Variants in SLC12A2 observed in about 807,000 individuals in gnomAD.
SLC12A2 encodes the protein solute carrier family 12 member 2.
Under a neutral mutation model 136.3 loss-of-function variants are expected in SLC12A2, and 67 were observed. The observed-to-expected ratio is 0.49, with a 90% CI of 0.40 to 0.60. The LOEUF is 0.60. SLC12A2 is among the 20% of genes least tolerant of loss of function. The pLI is 0.00. For synonymous variants in SLC12A2, 619 were observed against 562.9 expected, an observed-to-expected ratio of 1.10 and a Z score of -1.41; for missense variants, 1,322 against 1,534.7, an observed-to-expected ratio of 0.86 and a Z score of 2.32.
intron 10 of SLC12A2, among the ~76,000 whole-genome samples, chr5:128,146,946 A>G (rs1041699813): frequency 7.3e-5 from 11 of 151,706 alleles, no homozygotes; most frequent in Non-Finnish European, 1.5e-4. Flanking sequence ...CAATACAATG[A>G]TGATGAAGTC....
chr5:128,125,879 A>G (rs536067242), intron 4 of SLC12A2, among the ~76,000 whole-genome samples: 2 of 152,102 alleles, frequency 1.3e-5, no homozygotes, highest in Non-Finnish European at 2.9e-5. Flanking sequence ...TCTTGCCCCC[A>G]TCCTTGTACA....
At chr5:128,124,656 A>C (rs1761715214) in intron 4 of SLC12A2, among the ~76,000 whole-genome samples, 1 of 152,184 alleles carries the variant, frequency 6.6e-6, no homozygotes, top group Admixed American at 6.5e-5. Context: ...CACCAGCCTG[A>C]GTTCTCTAAA....
intron 5 of SLC12A2, among the ~76,000 whole-genome samples, chr5:128,132,219 A>C (rs971441432): frequency 3.9e-5 from 6 of 152,154 alleles, no homozygotes; most frequent in African/African-American, 1.4e-4. Flanking sequence ...TTGAGGAATC[A>C]CAAATGGAAA....
At chr5:128,139,208 G>A (rs762394942) in intron 9 of SLC12A2, among the ~76,000 whole-genome samples, 35 of 151,554 alleles carry the variant, frequency 2.3e-4, no homozygotes, top group Non-Finnish European at 4.9e-4. Context: ...TGAAAACAAT[G>A]TATGTGTAGA....
intron 19 of SLC12A2, among the ~76,000 whole-genome samples, chr5:128,173,281 C>A (rs1260688275): frequency 6.6e-6 from 1 of 152,134 alleles, no homozygotes; most frequent in Non-Finnish European, 1.5e-5. Flanking sequence ...TGGCAAAATA[C>A]TATTTCAATT....
intron 10 of SLC12A2, among the ~76,000 whole-genome samples, chr5:128,145,856 T>G (rs1762515078): frequency 6.6e-6 from 1 of 152,012 alleles, no homozygotes; most frequent in Non-Finnish European, 1.5e-5. Context: ...TGGTCTCAGT[T>G]GACATGTTCT....
At chr5:128,114,139 T>G in intron 2 of SLC12A2, 73 bp from the exon 3 acceptor site, 1 of 1,046,246 alleles carries the variant, frequency 9.6e-7, no homozygotes, top group South Asian at 1.4e-5. Flanking sequence ...CTACTTTGAC[T>G]GGTTTAATGC....
At chr5:128,169,753 A>G (rs534557227) in intron 18 of SLC12A2, 1 of 152,202 alleles carries the variant, frequency 6.6e-6, no homozygotes, top group Middle Eastern at 3.4e-3. Flanking sequence ...TAATTATCCT[A>G]AAAAATAGAA....
intron 1 of SLC12A2, among the ~76,000 whole-genome samples, chr5:128,088,064 T>G (rs531820440): frequency 2.8e-4 from 42 of 148,384 alleles, no homozygotes; most frequent in African/African-American, 9.8e-4. Flanking sequence ...TATGTAAATA[T>G]ATATATTTAC....
chr5:128,087,753 A>G (rs1407292868), intron 1 of SLC12A2, among the ~76,000 whole-genome samples: 1 of 152,184 alleles, frequency 6.6e-6, no homozygotes. Context: ...AAAGAGACTC[A>G]AGTGATTACT....
intron 14 of SLC12A2, among the ~76,000 whole-genome samples, chr5:128,151,650 C>T (rs1177884929): frequency 1.3e-5 from 2 of 151,054 alleles, no homozygotes; most frequent in East Asian, 3.9e-4. Flanking sequence ...TTAAATTGAT[C>T]CTATTTGTAG....
chr5:128,156,913 T>G (rs900861334), intron 15 of SLC12A2, among the ~76,000 whole-genome samples: 2 of 152,112 alleles, frequency 1.3e-5, no homozygotes, highest in African/African-American at 2.4e-5. Context: ...TGGGCCACAT[T>G]TAGCTCCTAG....
chr5:128,175,838 A>G (rs879784150), intron 20 of SLC12A2, among the ~76,000 whole-genome samples: 2 of 152,010 alleles, frequency 1.3e-5, no homozygotes, highest in Non-Finnish European at 2.9e-5. Context: ...CAAATGCAGC[A>G]TATCCGTAGT....
intron 1 of SLC12A2, among the ~76,000 whole-genome samples, chr5:128,100,955 G>A (rs1373511998): frequency 2.6e-5 from 4 of 152,174 alleles, no homozygotes; most frequent in Non-Finnish European, 5.9e-5. Context: ...GGGCTAGGTA[G>A]AGGACTGAAT....
At chr5:128,152,933 A>G in intron 15 of SLC12A2, 128 bp downstream of exon 15, 1 of 606,206 alleles carries the variant, frequency 1.6e-6, no homozygotes, top group East Asian at 2.8e-5. Flanking sequence ...TTATTCAAGA[A>G]CAAAATTGTA....
rs77780667 is a variant in SLC12A2 at position 128,121,112 on chromosome 5, C to T, written c.1048+6431C>T. Reference sequence around the variant, plus strand: ...TAATTAATTTTAACTTTGGCTTTAACAGTACATTTTAGAGATTAAACAGAT... The same window carrying T: ...TAATTAATTTTAACTTTGGCTTTAATAGTACATTTTAGAGATTAAACAGAT... On this transcript the variant is annotated intron_variant, in intron 4 of 26. Coordinates refer to ENST00000262461, the MANE Select transcript of SLC12A2 (RefSeq NM_001046.3). Among the ~76,000 whole-genome samples, 523 of 152,150 alleles carry T rather than the reference C, an allele frequency of 3.4e-3. 1 individual carries two copies. Among genetic ancestry groups the T allele is most frequent in the Middle Eastern group, 3.4e-3 (1 of 294 alleles).
chr5:128,158,093 C>A lies in SLC12A2; in HGVS notation c.2404C>A (p.Pro802Thr). The change falls in exon 16 of 27, where the codon CCA becomes ACA. Residue 802 changes from proline (P) to threonine (T), a missense_variant. Around this residue, in one of 8 missense-constraint regions of SLC12A2, gnomAD observed 294 missense variants for 436.6 expected, o/e 0.67. Transcript: ENST00000262461. The stretch of plus-strand genomic sequence containing the variant: ...TATGACAGGTGCTCCAAACTCACGT[C>A]CAGCTTTACTTCATCTTGTTCATGA... ...LVMTGAPNSR[P>T]ALLHLVHDFT... The A allele has an allele frequency of 6.2e-7, 1 of 1,613,702 alleles. No homozygotes were observed. Among genetic ancestry groups the A allele is most frequent in the Non-Finnish European group, 8.5e-7 (1 of 1,179,802 alleles).
chr5:128,124,231 A>C (rs73784516), intron 4 of SLC12A2, among the ~76,000 whole-genome samples: 5,014 of 152,256 alleles, frequency 0.033, 295 homozygotes, highest in African/African-American at 0.11. Context: ...CTGACTCCAA[A>C]TGTGTGGGTT....
chr5:128,165,574 A>T (rs1346505151), intron 17 of SLC12A2, among the ~76,000 whole-genome samples: 1 of 152,206 alleles, frequency 6.6e-6, no homozygotes, highest in African/African-American at 2.4e-5. Flanking sequence ...TACTCCACTG[A>T]TAAACATATT....
Sources: gnomAD v4.1 joint callset for allele counts (sites outside exome capture counted in the v4.1 genomes callset) on GRCh38, gnomAD v4.1.1 for gene constraint, gnomAD v4.1.1 regional missense constraint, MANE v1.5 for transcripts, NCBI Gene and HGNC (gene_info 2026-07-23, HGNC 2026-07-21) for gene names.